The following STX11 variants were observed in gnomAD, a reference collection of about 807,000 sequenced individuals.
STX11 encodes syntaxin-11.
A neutral mutation model predicts 19.9 loss-of-function variants in STX11; 21 were observed. The observed-to-expected ratio is 1.06, with a 90% CI of 0.75 to 1.52. The LOEUF (loss-of-function observed/expected upper bound fraction) is 1.52. STX11 is among the 40% of genes most tolerant of loss of function. The probability of loss-of-function intolerance (pLI) is 0.00; values close to 1 mark genes in which losing one functional copy is unlikely to be tolerated. For missense variants in STX11, 438 were observed against 405.9 expected (o/e 1.08, Z -0.68); for synonymous variants, 193 against 174.4 (o/e 1.11, Z -0.84).
rs1451125496 is a variant in STX11, at chr6:144,172,203, C to G, written c.-5-14420C>G. On this transcript the variant is annotated intron_variant, in intron 1 of 1. Coordinates refer to ENST00000367568, the MANE Select transcript of STX11 (RefSeq NM_003764.4). This position sits in a 1 kb window ranked among gnomAD's most constrained non-coding sequence, Gnocchi z 4.2. Reference sequence around the variant, plus strand: ...AACAATTTTCTATTTCTCATGGGTGCAAGGATTAAATGAGATAATCCATGT... The same window carrying G: ...AACAATTTTCTATTTCTCATGGGTGGAAGGATTAAATGAGATAATCCATGT... Among the ~76,000 whole-genome samples the G allele has an allele frequency of 6.6e-6, 1 of 152,128 alleles. No homozygotes were observed. Among genetic ancestry groups the G allele is most frequent in the Non-Finnish European group, 1.5e-5 (1 of 68,042 alleles).
At position 144,190,600 on chromosome 6, in the gene STX11, G is replaced by A. The variant is rs575190703; in HGVS notation, c.*3109G>A. On this transcript the variant is annotated 3_prime_UTR_variant, in exon 2 of 2. Coordinates refer to ENST00000367568, the MANE Select transcript of STX11 (RefSeq NM_003764.4). ...TATTAGGGCTTTTTTTTTTTTGACAGTCATAAAGATGTTTTCACTATGGCA... is the reference window on the plus strand; with the variant it reads ...TATTAGGGCTTTTTTTTTTTTGACAATCATAAAGATGTTTTCACTATGGCA... Among the ~76,000 whole-genome samples the A allele has an allele frequency of 2.0e-5, 3 of 150,600 alleles. No homozygotes were observed. The highest frequency in any genetic ancestry group is 7.3e-5 in the African/African-American group (3 of 41,030).
the STX11 span, among the ~76,000 whole-genome samples, chr6:144,143,553 G>C: frequency 6.6e-6 from 1 of 152,014 alleles, no homozygotes; most frequent in African/African-American, 2.4e-5. Flanking sequence ...AGAGGAATTG[G>C]GGCCTTTTGT....
Position 144,162,451 on chromosome 6 carries a change from G to A in STX11, c.-6+11748G>A, listed in dbSNP as rs1801366347. On this transcript the variant is annotated intron_variant, in intron 1 of 1. Transcript: ENST00000367568. The surrounding 1 kb of genome is among the most constrained non-coding windows in gnomAD (Gnocchi z 4.6). ...CTTATGCCTTTAGAAAGTTCCTTTA[G>A]TGGAGTTTTGGAAGGGAGCAAAAGT... is the stretch of plus-strand genomic sequence containing the variant. Among the ~76,000 whole-genome samples the A allele has an allele frequency of 6.6e-6, 1 of 152,154 alleles. No homozygotes were observed. The highest frequency in any genetic ancestry group is 2.1e-4 in the South Asian group (1 of 4,836).
At chr6:144,145,726 T>C (rs1800861469), upstream of STX11, among the ~76,000 whole-genome samples, 1 of 152,104 alleles carries the variant, frequency 6.6e-6, no homozygotes, top group Non-Finnish European at 1.5e-5. Flanking sequence ...GAAGTAGAAC[T>C]GTGGTTATCA....
rs749122183 is a variant in STX11 at position 144,186,729 on chromosome 6, G to A, written c.102G>A (p.Val34=). ...DEFDSPHEDI[V]FETDHILESL... is the part of the protein sequence containing the mutation. ...TTGACTCGCCCCACGAGGACATCGTGTTCGAGACGGACCACATCCTGGAGT... is the reference window on the plus strand; with the variant it reads ...TTGACTCGCCCCACGAGGACATCGTATTCGAGACGGACCACATCCTGGAGT... The change falls in exon 2 of 2, where the codon GTG becomes GTA. Residue 34 remains valine, a synonymous_variant. Coordinates refer to ENST00000367568, the MANE Select transcript of STX11 (RefSeq NM_003764.4). 6 of 1,614,068 alleles carry A rather than the reference G, an allele frequency of 3.7e-6. No individual in the cohort carries two copies. In the South Asian group the frequency reaches 5.5e-5, roughly 15 times the overall value.
rs2328565 is a variant in STX11, at chr6:144,170,194, T to C, written c.-5-16429T>C. Among the ~76,000 whole-genome samples the C allele has an allele frequency of 0.12, 18,281 of 152,172 alleles. 1,848 individuals carry two copies. Among genetic ancestry groups the C allele is most frequent in the East Asian group, 0.46 (2,397 of 5,170 alleles). Reference sequence around the variant, plus strand: ...ACTCATAGAAGTATCTGCAGGCCTTTTTGAAATTTTCAAAAATGTCAGAGC... The same window carrying C: ...ACTCATAGAAGTATCTGCAGGCCTTCTTGAAATTTTCAAAAATGTCAGAGC... On this transcript the variant is annotated intron_variant, in intron 1 of 1. Transcript: ENST00000367568. This position sits in a 1 kb window ranked among gnomAD's most constrained non-coding sequence, Gnocchi z 4.7.
chr6:144,150,972 T>C (rs1381875150), intron 1 of STX11, among the ~76,000 whole-genome samples: 2 of 152,230 alleles, frequency 1.3e-5, no homozygotes, highest in African/African-American at 4.8e-5. Flanking sequence ...ATTTAGTGCT[T>C]CGTAAGAATT....
At position 144,151,919 on chromosome 6, in the gene STX11, T is replaced by C. The variant is rs193087061; in HGVS notation, c.-6+1216T>C. 1.3e-5 allele frequency among the ~76,000 whole-genome samples: 2 copies of C among 152,306 alleles called. No individual in the cohort carries two copies. On this transcript the variant is annotated intron_variant, in intron 1 of 1. Coordinates refer to ENST00000367568, the MANE Select transcript of STX11 (RefSeq NM_003764.4). This position sits in a 1 kb window ranked among gnomAD's most constrained non-coding sequence, Gnocchi z 4.6. ...CAGCCCTTAGGAAGGGACTGCACAC[T>C]ATCTCAACACGGTAGAGAAGGGGAC...
At chr6:144,166,529 T>TC (rs1801484202) in intron 1 of STX11, among the ~76,000 whole-genome samples, 1 of 147,310 alleles carries the variant, frequency 6.8e-6, no homozygotes, top group African/African-American at 2.5e-5. Flanking sequence ...TCTTTCCTTT[T>TC]TTTTTTTTTT....
chr6:144,168,389 C>CT (rs1248712474), intron 1 of STX11, among the ~76,000 whole-genome samples: 1 of 152,190 alleles, frequency 6.6e-6, no homozygotes, highest in Non-Finnish European at 1.5e-5. Flanking sequence ...TCTATAGGCA[C>CT]TTTTTCTGCA....
At chr6:144,181,127 C>T (rs1361581817) in intron 1 of STX11, among the ~76,000 whole-genome samples, 1 of 152,158 alleles carries the variant, frequency 6.6e-6, no homozygotes, top group Non-Finnish European at 1.5e-5. Flanking sequence ...TCTTATTTAG[C>T]CTCCATACCA....
At position 144,175,934 on chromosome 6, in the gene STX11, A is replaced by G. The variant is rs1410894427; in HGVS notation, c.-5-10689A>G. Among the ~76,000 whole-genome samples the G allele has an allele frequency of 6.6e-6, 1 of 152,190 alleles. No homozygotes were observed. The highest frequency in any genetic ancestry group is 2.1e-4 in the South Asian group (1 of 4,830). ...TGTGCATTCTGATCTTGAAGCCAGC[A>G]TTAGCTGGATTTACCCTCCCTGGCC... On this transcript the variant is annotated intron_variant, in intron 1 of 1. Coordinates refer to ENST00000367568, the MANE Select transcript of STX11 (RefSeq NM_003764.4). The surrounding 1 kb of genome is among the most constrained non-coding windows in gnomAD (Gnocchi z 5.1).
Position 144,167,367 on chromosome 6 carries a change from T to A in STX11, c.-6+16664T>A, listed in dbSNP as rs1266778929. ...TATACATCATGAGATATCTTGGGGATAAGACCCAAATCTAAACACGAAATT... is the reference window on the plus strand; with the variant it reads ...TATACATCATGAGATATCTTGGGGAAAAGACCCAAATCTAAACACGAAATT... On this transcript the variant is annotated intron_variant, in intron 1 of 1. Transcript: ENST00000367568. This position sits in a 1 kb window ranked among gnomAD's most constrained non-coding sequence, Gnocchi z 5.0. 6.6e-6 allele frequency among the ~76,000 whole-genome samples: 1 copy of A among 152,230 alleles called. No individual in the cohort carries two copies. The highest frequency in any genetic ancestry group is 1.5e-5 in the Non-Finnish European group (1 of 68,046).
In STX11 at chr6:144,187,163, A is replaced by G. The variant is rs1802072127; in HGVS notation, c.536A>G (p.Asp179Gly). 1.2e-6 allele frequency: 2 copies of G among 1,613,984 alleles called. No individual in the cohort carries two copies. The change falls in exon 2 of 2, where the codon GAC becomes GGC. Residue 179 changes from aspartate (D) to glycine (G), a missense_variant. By Grantham distance (94) the Asp-to-Gly change is moderately conservative. Transcript: ENST00000367568. The surrounding 1 kb of genome is among the most constrained non-coding windows in gnomAD (Gnocchi z 5.6). Reference protein sequence around the residue: ...GKEVSGDQIEDMFEQGKWDVF... With the variant: ...GKEVSGDQIEGMFEQGKWDVF... Reference sequence around the variant, plus strand: ...GAAGTCTCGGGCGACCAGATCGAGGACATGTTCGAGCAGGGTAAGTGGGAC... The same window carrying G: ...GAAGTCTCGGGCGACCAGATCGAGGGCATGTTCGAGCAGGGTAAGTGGGAC...
chr6:144,186,873 C>T lies in STX11; in HGVS notation c.246C>T (p.Ile82=), dbSNP rs200527024. The change falls in exon 2 of 2, where the codon ATC becomes ATT. Residue 82 remains isoleucine, a synonymous_variant. Transcript: ENST00000367568. ...CGTCCATGCGGCGCCTCAGCAGCAT[C>T]AAGCGCGACACCAACTCCATCGCCA... ...FLTSMRRLSS[I]KRDTNSIAKA... 3.8e-5 allele frequency: 62 copies of T among 1,612,672 alleles called. No homozygotes were observed. The East Asian group carries it at 1.4e-3, about 35-fold the overall frequency.
In STX11 at chr6:144,189,318, G is replaced by C. The variant is rs1802154806; in HGVS notation, c.*1827G>C. Among the ~76,000 whole-genome samples, 1 of 152,190 alleles carries C rather than the reference G, an allele frequency of 6.6e-6. No individual in the cohort carries two copies. Among genetic ancestry groups the C allele is most frequent in the Non-Finnish European group, 1.5e-5 (1 of 68,032 alleles). On this transcript the variant is annotated 3_prime_UTR_variant, in exon 2 of 2. Coordinates refer to ENST00000367568, the MANE Select transcript of STX11 (RefSeq NM_003764.4). ...ATTACAGGCCTGAGCCACTGACCCTGGCCAAATTTTTTTTCTACTAGCTAC... is the reference window on the plus strand; with the variant it reads ...ATTACAGGCCTGAGCCACTGACCCTCGCCAAATTTTTTTTCTACTAGCTAC...
chr6:144,149,569 C>T (rs1416738468), upstream of STX11, among the ~76,000 whole-genome samples: 2 of 152,178 alleles, frequency 1.3e-5, no homozygotes, highest in Non-Finnish European at 2.9e-5. This position sits in a 1 kb window ranked among gnomAD's most constrained non-coding sequence, Gnocchi z 5.1. Flanking sequence ...CTTGACCTCT[C>T]AGCCTCAAGT....
chr6:144,160,857 G>C lies in STX11; in HGVS notation c.-6+10154G>C, dbSNP rs1456372588. Reference sequence around the variant, plus strand: ...AGTATGACTTCAAGTGAATGGATGTGTGAGGTCCTGTGATGACGACCATTT... The same window carrying C: ...AGTATGACTTCAAGTGAATGGATGTCTGAGGTCCTGTGATGACGACCATTT... On this transcript the variant is annotated intron_variant, in intron 1 of 1. Coordinates refer to ENST00000367568, the MANE Select transcript of STX11 (RefSeq NM_003764.4). The surrounding 1 kb of genome is among the most constrained non-coding windows in gnomAD (Gnocchi z 4.3). Among the ~76,000 whole-genome samples the C allele has an allele frequency of 6.9e-6, 1 of 143,906 alleles. No homozygotes were observed. The highest frequency in any genetic ancestry group is 6.6e-5 in the Admixed American group (1 of 15,094). 94.4% of individuals were successfully genotyped at this position (143,906 alleles called of 152,430 possible).
At position 144,189,365 on chromosome 6, in the gene STX11, G is replaced by A. The variant is rs1386697334; in HGVS notation, c.*1874G>A. On this transcript the variant is annotated 3_prime_UTR_variant, in exon 2 of 2. Transcript: ENST00000367568. The stretch of plus-strand genomic sequence containing the variant: ...CTACTGAGGCTGCCACATCTGGATG[G>A]AACTGAGTGGAGGGGGAAAAGAATG... 6.6e-6 allele frequency among the ~76,000 whole-genome samples: 1 copy of A among 152,180 alleles called. No individual in the cohort carries two copies. Among genetic ancestry groups the A allele is most frequent in the African/African-American group, 2.4e-5 (1 of 41,442 alleles).
Sources: allele counts gnomAD v4.1 joint callset (sites outside exome capture counted in the v4.1 genomes callset), GRCh38; gene constraint gnomAD v4.1.1; non-coding constraint Gnocchi (gnomAD v3.1); transcripts MANE v1.5; gene names NCBI Gene and HGNC (gene_info 2026-07-23, HGNC 2026-07-21).